EEIG1: variants seen among roughly 807,000 people sequenced by gnomAD.
The protein encoded by EEIG1 is estrogen-induced osteoclastogenesis regulator 1.
At chr9:127,975,825 G>A in the EEIG1 span, among the ~76,000 whole-genome samples, 1 of 152,078 alleles carries the variant, frequency 6.6e-6, no homozygotes, top group South Asian at 2.1e-4. Context: ...CCCAAGGGCT[G>A]CCTTGGACAG....
At chr9:127,954,963 T>C in the EEIG1 span, among the ~76,000 whole-genome samples, 1 of 152,206 alleles carries the variant, frequency 6.6e-6, no homozygotes, top group African/African-American at 2.4e-5. Context: ...TGCGGGGGCC[T>C]TGGCAGGATC....
At chr9:127,956,693 G>A in the EEIG1 span, among the ~76,000 whole-genome samples, 3 of 151,570 alleles carry the variant, frequency 2.0e-5, no homozygotes, top group Admixed American at 6.6e-5. Context: ...TTACAGGCGT[G>A]AGCCACCACA....
At chr9:127,948,703 A>G in the EEIG1 span, among the ~76,000 whole-genome samples, 1 of 152,220 alleles carries the variant, frequency 6.6e-6, no homozygotes, top group South Asian at 2.1e-4. Context: ...GCGGACTGCC[A>G]TCAGCTACAG....
the EEIG1 span, among the ~76,000 whole-genome samples, chr9:127,964,231 G>A: frequency 1.3e-5 from 2 of 152,212 alleles, no homozygotes; most frequent in African/African-American, 4.8e-5. Flanking sequence ...TGACTCTGTG[G>A]TCCCACAGCA....
At chr9:127,965,130 A>G in the EEIG1 span, among the ~76,000 whole-genome samples, 2 of 79,848 alleles carry the variant, frequency 2.5e-5, no homozygotes, top group East Asian at 5.0e-4. Context: ...AAAAAAAAAA[A>G]AAAAAAAAAA....
chr9:127,947,980 A>G, the EEIG1 span: 1 of 1,411,828 alleles, frequency 7.1e-7, no homozygotes, highest in Non-Finnish European at 9.7e-7. Flanking sequence ...CTCTCCCCTC[A>G]GTCAGCGTCT....
chr9:127,958,862 A>AG, the EEIG1 span, among the ~76,000 whole-genome samples: 23 of 152,204 alleles, frequency 1.5e-4, no homozygotes, highest in Admixed American at 1.5e-3. Context: ...AAATGGGCAA[A>AG]GGATCCAAAT....
At chr9:127,948,367 C>T in the EEIG1 span, 6 of 1,614,124 alleles carry the variant, frequency 3.7e-6, no homozygotes, top group South Asian at 1.1e-5. Context: ...CCAGCACTCA[C>T]GTCTTGAAGC....
the EEIG1 span, chr9:127,948,475 C>T: frequency 2.6e-6 from 4 of 1,530,080 alleles, no homozygotes; most frequent in South Asian, 1.1e-5. Context: ...AGGCGCAGGG[C>T]CCCCTGCAGC....
the EEIG1 span, chr9:127,945,006 C>G: frequency 7.7e-7 from 1 of 1,302,866 alleles, no homozygotes; most frequent in Middle Eastern, 2.0e-4. The surrounding 1 kb of genome is among the most constrained non-coding windows in gnomAD (Gnocchi z 6.5). Flanking sequence ...TCAGAATGTC[C>G]CTGTGCGCTC....
the EEIG1 span, chr9:127,944,917 G>C: frequency 6.2e-7 from 1 of 1,607,394 alleles, no homozygotes; most frequent in Non-Finnish European, 8.5e-7. Context: ...GGTCGTGGGG[G>C]GACAAGTCAC....
chr9:127,942,938 T>C, the EEIG1 span: 13 of 534,594 alleles, frequency 2.4e-5, no homozygotes, highest in Non-Finnish European at 3.7e-5. Context: ...CCGCCTGGCC[T>C]GCCTGGCCTG....
chr9:127,944,368 T>C, the EEIG1 span: 2 of 586,452 alleles, frequency 3.4e-6, no homozygotes, highest in Non-Finnish European at 6.1e-6. Context: ...TTGCTGGAGG[T>C]GACCTTGTGA....
the EEIG1 span, among the ~76,000 whole-genome samples, chr9:127,947,119 A>G: frequency 2.0e-5 from 3 of 152,232 alleles, no homozygotes; most frequent in East Asian, 5.8e-4. Flanking sequence ...ATAAAAACAG[A>G]GTGCCCAGCC....
At chr9:127,973,689 T>C in the EEIG1 span, among the ~76,000 whole-genome samples, 13 of 152,328 alleles carry the variant, frequency 8.5e-5, no homozygotes, top group African/African-American at 2.9e-4. This position sits in a 1 kb window ranked among gnomAD's most constrained non-coding sequence, Gnocchi z 4.2. Context: ...GCAGATGGCC[T>C]GGTACCACAG....
chr9:127,971,547 C>A, the EEIG1 span, among the ~76,000 whole-genome samples: 4 of 5,584 alleles, frequency 7.2e-4, no homozygotes, highest in East Asian at 0.011. Context: ...GAATGCGGGG[C>A]GGGGGGGCGG....
the EEIG1 span, among the ~76,000 whole-genome samples, chr9:127,975,533 G>C: frequency 6.6e-5 from 10 of 152,170 alleles, no homozygotes; most frequent in South Asian, 1.2e-3. Context: ...AAGACACAGG[G>C]GACAGAGGTC....
the EEIG1 span, chr9:127,953,660 A>T: frequency 3.0e-3 from 4,801 of 1,608,604 alleles, 102 homozygotes; most frequent in African/African-American, 0.056. Context: ...CAGGGACCTC[A>T]TGCATCTCCC....
At chr9:127,980,285 G>A in the EEIG1 span, 4 of 918,236 alleles carry the variant, frequency 4.4e-6, no homozygotes, top group African/African-American at 1.7e-5. Flanking sequence ...GGAGTCCGGG[G>A]CCCCAGGTCT....
Sources: allele counts gnomAD v4.1 joint callset (sites outside exome capture counted in the v4.1 genomes callset), GRCh38; gene constraint gnomAD v4.1.1; non-coding constraint Gnocchi (gnomAD v3.1); transcripts MANE v1.5; gene names NCBI Gene and HGNC (gene_info 2026-07-23, HGNC 2026-07-21).